Variants in SORCS2 observed in about 807,000 individuals in gnomAD.
SORCS2 encodes sortilin related VPS10 domain containing receptor 2.
Under a neutral mutation model 141.6 loss-of-function variants are expected in SORCS2, and 100 were observed. That is an observed-to-expected ratio of 0.71 (90% CI 0.60 to 0.83). The LOEUF is 0.83. Among genes scored for constraint, SORCS2 ranks in the 40% least tolerant of loss-of-function variants. The pLI is 0.00. For missense variants in SORCS2, 1,646 were observed against 1,560.2 expected, an observed-to-expected ratio of 1.05 and a Z score of -0.93; for synonymous variants, 789 against 676.9, an observed-to-expected ratio of 1.17 and a Z score of -2.57.
At chr4:7,384,969 T>C (rs944289007) in intron 1 of SORCS2, among the ~76,000 whole-genome samples, 2 of 152,202 alleles carry the variant, frequency 1.3e-5, no homozygotes, top group African/African-American at 4.8e-5. Flanking sequence ...AGGCCTGTAC[T>C]CACTGCAGCT....
chr4:7,635,561 C>T (rs1720187888), intron 3 of SORCS2, among the ~76,000 whole-genome samples: 1 of 152,220 alleles, frequency 6.6e-6, no homozygotes, highest in Non-Finnish European at 1.5e-5. Context: ...TGCTTCATCG[C>T]CGTGTCAGCG....
chr4:7,628,975 C>G (rs733155), intron 3 of SORCS2, among the ~76,000 whole-genome samples: 9 of 152,098 alleles, frequency 5.9e-5, no homozygotes, highest in African/African-American at 2.2e-4. Flanking sequence ...TCAGGGCCCA[C>G]TTAGATGGTG....
At chr4:7,334,152 G>T (rs946827673) in intron 1 of SORCS2, among the ~76,000 whole-genome samples, 1 of 152,114 alleles carries the variant, frequency 6.6e-6, no homozygotes, top group African/African-American at 2.4e-5. Flanking sequence ...AAACGTCCAG[G>T]GTGCAGAGTT....
intron 3 of SORCS2, among the ~76,000 whole-genome samples, chr4:7,532,238 C>T (rs769977156): frequency 6.6e-6 from 1 of 152,202 alleles, no homozygotes; most frequent in Admixed American, 6.5e-5. Context: ...TCGGCAGAGG[C>T]ACCAGGGCAA....
At chr4:7,239,101 TC>T (rs1712502086) in intron 1 of SORCS2, among the ~76,000 whole-genome samples, 1 of 152,204 alleles carries the variant, frequency 6.6e-6, no homozygotes, top group Non-Finnish European at 1.5e-5. Flanking sequence ...CTTCCTGTGC[TC>T]CCCAGAGGCT....
At chr4:7,373,081 G>A (rs1346547258) in intron 1 of SORCS2, among the ~76,000 whole-genome samples, 1 of 148,346 alleles carries the variant, frequency 6.7e-6, no homozygotes, top group African/African-American at 2.5e-5. Flanking sequence ...GTGGATGTAT[G>A]CTTCATTGCT....
chr4:7,461,626 T>A (rs1729318267), intron 2 of SORCS2, among the ~76,000 whole-genome samples: 1 of 152,184 alleles, frequency 6.6e-6, no homozygotes, highest in Admixed American at 6.5e-5. Context: ...CCGAGGAGCG[T>A]AGCAGCAGCC....
intron 2 of SORCS2, among the ~76,000 whole-genome samples, chr4:7,420,368 T>G (rs1725959669): frequency 6.6e-6 from 1 of 152,094 alleles, no homozygotes; most frequent in African/African-American, 2.4e-5. Flanking sequence ...TGTGGGAGCC[T>G]TGGATGAGAT....
chr4:7,408,145 C>T (rs989447564), intron 2 of SORCS2, among the ~76,000 whole-genome samples: 4 of 152,030 alleles, frequency 2.6e-5, no homozygotes, highest in African/African-American at 9.7e-5. Flanking sequence ...TGGGTTTGTC[C>T]ATGTCCCTAA....
intron 26 of SORCS2, 42 bp from the exon 27 acceptor site, chr4:7,740,158 C>T (rs370846265): frequency 5.0e-5 from 79 of 1,564,932 alleles, no homozygotes; most frequent in Non-Finnish European, 6.2e-5. Context: ...TCTCCAGTCC[C>T]GGGCTTGTGC....
chr4:7,303,401 C>G (rs1448091686), intron 1 of SORCS2, among the ~76,000 whole-genome samples: 2 of 152,210 alleles, frequency 1.3e-5, no homozygotes, highest in Non-Finnish European at 2.9e-5. Context: ...TAAAAAGAAA[C>G]CCGTCTCATC....
intron 1 of SORCS2, among the ~76,000 whole-genome samples, chr4:7,270,866 C>T (rs1715076865): frequency 6.6e-6 from 1 of 152,232 alleles, no homozygotes; most frequent in African/African-American, 2.4e-5. Flanking sequence ...GTTAGAAACC[C>T]AGCCCCACCG....
intron 1 of SORCS2, among the ~76,000 whole-genome samples, chr4:7,314,667 T>A (rs1718438075): frequency 6.6e-6 from 1 of 152,062 alleles, no homozygotes; most frequent in Non-Finnish European, 1.5e-5. Context: ...TACATCTGGA[T>A]TAATTGATTA....
Position 7,334,961 on chromosome 4 carries a change from G to T in SORCS2, c.481-61327G>T, listed in dbSNP as rs115558137. ...GGCTGAGGATTAGGAGACGGGTGTG[G>T]AGGGAGGGAGGGAAATAAAGCTAAA... On this transcript the variant is annotated intron_variant, in intron 1 of 26. Transcript: ENST00000507866. Among the ~76,000 whole-genome samples, 591 of 152,248 alleles carry T rather than the reference G, an allele frequency of 3.9e-3. 5 individuals carry two copies. The highest frequency in any genetic ancestry group is 0.013 in the African/African-American group (553 of 41,536).
At chr4:7,384,206 G>T (rs3905841) in intron 1 of SORCS2, among the ~76,000 whole-genome samples, 130,486 of 151,948 alleles carry the variant, frequency 0.86, 56,868 homozygotes, top group Non-Finnish European at 0.94. Context: ...TGCGTGAGTG[G>T]CAAGACTTGG....
intron 2 of SORCS2, among the ~76,000 whole-genome samples, chr4:7,403,961 G>GTGTATATATATATATA (rs1260939310): frequency 1.3e-3 from 39 of 29,886 alleles, no homozygotes; most frequent in East Asian, 2.6e-3. Context: ...CTCCATGTGT[G>GTGTATATATATATATA]TATATATATA....
intron 1 of SORCS2, among the ~76,000 whole-genome samples, chr4:7,373,483 T>TATAA (rs1560228538): frequency 1.5e-4 from 5 of 32,590 alleles, no homozygotes; most frequent in African/African-American, 3.7e-4. Context: ...TATATATTTT[T>TATAA]TTTTTTTTTT....
At chr4:7,655,094 T>A (rs1721676830) in intron 5 of SORCS2, among the ~76,000 whole-genome samples, 1 of 152,166 alleles carries the variant, frequency 6.6e-6, no homozygotes, top group Admixed American at 6.5e-5. Context: ...AACTCAGGCC[T>A]GCCTCTCTCC....
chr4:7,225,797 C>A (rs1728957795), intron 1 of SORCS2, among the ~76,000 whole-genome samples: 1 of 152,206 alleles, frequency 6.6e-6, no homozygotes, highest in African/African-American at 2.4e-5. Flanking sequence ...CCAGTTGGGG[C>A]TTCCTTCCAG....
Sources: allele counts gnomAD v4.1 joint callset (sites outside exome capture counted in the v4.1 genomes callset), GRCh38; gene constraint gnomAD v4.1.1; transcripts MANE v1.5; gene names NCBI Gene and HGNC (gene_info 2026-07-23, HGNC 2026-07-21).